The following ADGRL4 variants were observed in gnomAD, a reference collection of about 807,000 sequenced individuals.
The protein encoded by ADGRL4 is adhesion G protein-coupled receptor L4.
A neutral mutation model predicts 74.8 loss-of-function variants in ADGRL4; 90 were observed. The observed-to-expected ratio is 1.20, with a 90% confidence interval of 1.02 to 1.43. The LOEUF (loss-of-function observed/expected upper bound fraction) is 1.43, where lower values mean the gene tolerates loss of function less well. ADGRL4 is among the 40% of genes most tolerant of loss of function. The pLI is 0.00. For synonymous variants in ADGRL4, 311 were observed against 279.2 expected, an observed-to-expected ratio of 1.11 and a Z score of -1.14; for missense variants, 881 against 814.3, an observed-to-expected ratio of 1.08 and a Z score of -1.00.
At chr1:78,914,233 G>A (rs527738237) in intron 12 of ADGRL4, among the ~76,000 whole-genome samples, 1 of 151,960 alleles carries the variant, frequency 6.6e-6, no homozygotes, top group African/African-American at 2.4e-5. Flanking sequence ...ACTTTTGAAT[G>A]TCTATGATAT....
chr1:78,940,528 T>C (rs1242665293), intron 3 of ADGRL4, among the ~76,000 whole-genome samples: 4 of 152,110 alleles, frequency 2.6e-5, no homozygotes, highest in Non-Finnish European at 4.4e-5. Context: ...ACATTATAAG[T>C]ACAGTATAAA....
At chr1:78,909,313 G>A (rs1648708241) in intron 12 of ADGRL4, among the ~76,000 whole-genome samples, 1 of 151,896 alleles carries the variant, frequency 6.6e-6, no homozygotes, top group Non-Finnish European at 1.5e-5. Flanking sequence ...TATTTATAGA[G>A]GACTGCAAAA....
At chr1:78,939,128 A>G (rs1257825517) in intron 4 of ADGRL4, 60 bp downstream of exon 4, 4 of 1,470,294 alleles carry the variant, frequency 2.7e-6, no homozygotes, top group Admixed American at 2.6e-5. Context: ...GTGACATTGA[A>G]AGCATTTTAA....
chr1:78,938,095 C>T lies in ADGRL4; in HGVS notation c.576+5G>A, dbSNP rs370290739. On this transcript the variant is annotated splice_donor_5th_base_variant and intron_variant, in intron 5 of 14. Coordinates refer to ENST00000370742, the MANE Select transcript of ADGRL4 (RefSeq NM_022159.4). ...TTATATTGAGTTAAAGCTGAACATA[C>T]TTACAGTAAGAGTTGAGTTAGAAAG... is the stretch of plus-strand genomic sequence containing the variant. 31 of 1,611,984 alleles carry T rather than the reference C, an allele frequency of 1.9e-5. No individual in the cohort carries two copies. Among genetic ancestry groups the T allele is most frequent in the Non-Finnish European group, 2.6e-5 (31 of 1,179,366 alleles).
At chr1:78,928,609 T>C (rs1159929854) in intron 7 of ADGRL4, among the ~76,000 whole-genome samples, 9 of 151,426 alleles carry the variant, frequency 5.9e-5, no homozygotes, top group Non-Finnish European at 4.4e-5. Context: ...TTACCATATG[T>C]TTGCCAGGAA....
At chr1:78,942,785 G>T (rs1045695114) in intron 3 of ADGRL4, among the ~76,000 whole-genome samples, 1 of 151,982 alleles carries the variant, frequency 6.6e-6, no homozygotes, top group South Asian at 2.1e-4. Context: ...TTAAAAATTA[G>T]TCAGACAAGG....
intron 3 of ADGRL4, 66 bp from the exon 4 acceptor site, chr1:78,939,324 C>A: frequency 4.5e-6 from 6 of 1,323,760 alleles, no homozygotes; most frequent in Non-Finnish European, 6.0e-6. Flanking sequence ...CTGATCATAT[C>A]AATCCCAATG....
At chr1:78,935,846 G>C (rs564947552) in intron 7 of ADGRL4, among the ~76,000 whole-genome samples, 1 of 23,006 alleles carries the variant, frequency 4.3e-5, no homozygotes, top group African/African-American at 1.1e-4. Flanking sequence ...ATTCTGGGCC[G>C]GGCGCGGTGG....
chr1:78,984,908 T>C (rs1428192444), intron 2 of ADGRL4, among the ~76,000 whole-genome samples: 2 of 151,498 alleles, frequency 1.3e-5, no homozygotes, highest in African/African-American at 4.8e-5. Flanking sequence ...AACATGCAGA[T>C]AAAAAGGAAA....
In ADGRL4 at chr1:78,961,883, CT is replaced by C. The variant is rs775816289; in HGVS notation, c.173-15458del. On this transcript the variant is annotated intron_variant, in intron 2 of 14. Transcript: ENST00000370742. Reference sequence around the variant, plus strand: ...ATGGGCAGGATTCCAGGCTATAATTCTTTTTTTTTTTTTTTGGATGGAGTTT... The same window carrying C: ...ATGGGCAGGATTCCAGGCTATAATTCTTTTTTTTTTTTTTGGATGGAGTTT... Among the ~76,000 whole-genome samples, 937 of 138,290 alleles carry C rather than the reference CT, an allele frequency of 6.8e-3. 1 individual carries two copies. Among genetic ancestry groups the C allele is most frequent in the East Asian group, 0.018 (87 of 4,758 alleles). 90.7% of individuals were successfully genotyped at this position (138,290 alleles called of 152,430 possible).
rs181992514 is a variant in ADGRL4 at position 78,960,162 on chromosome 1, C to T, written c.173-13736G>A. Reference sequence around the variant, plus strand: ...TTTAAGAAAAATGCTTACATAAAAGCATATCATTGTATTAAGTATTTTACA... The same window carrying T: ...TTTAAGAAAAATGCTTACATAAAAGTATATCATTGTATTAAGTATTTTACA... On this transcript the variant is annotated intron_variant, in intron 2 of 14. Transcript: ENST00000370742. Among the ~76,000 whole-genome samples the T allele has an allele frequency of 2.0e-5, 3 of 152,104 alleles. No individual in the cohort carries two copies. In the East Asian group the frequency reaches 5.8e-4, roughly 29 times the overall value.
At chr1:78,988,100 T>C (rs1331486780) in intron 2 of ADGRL4, among the ~76,000 whole-genome samples, 1 of 151,964 alleles carries the variant, frequency 6.6e-6, no homozygotes, top group Non-Finnish European at 1.5e-5. Context: ...CAATTTAAGG[T>C]ATAACCTACT....
chr1:78,993,216 G>T (rs1363101891), intron 2 of ADGRL4, among the ~76,000 whole-genome samples: 3 of 151,922 alleles, frequency 2.0e-5, no homozygotes, highest in Non-Finnish European at 4.4e-5. Flanking sequence ...TAGAGAGAAG[G>T]AATACTTTAT....
chr1:78,930,912 G>C (rs1334891482), intron 7 of ADGRL4, among the ~76,000 whole-genome samples: 1 of 151,298 alleles, frequency 6.6e-6, no homozygotes, highest in African/African-American at 2.5e-5. Flanking sequence ...TACCAGAATT[G>C]AATCAACATT....
At chr1:78,971,555 G>A (rs969799687) in intron 2 of ADGRL4, among the ~76,000 whole-genome samples, 2 of 152,074 alleles carry the variant, frequency 1.3e-5, no homozygotes, top group African/African-American at 4.8e-5. Context: ...GCAGGACTCT[G>A]GTTTTGTAGA....
Position 78,890,529 on chromosome 1 carries a change from A to G in ADGRL4, c.*625T>C, listed in dbSNP as rs1648247694. On this transcript the variant is annotated 3_prime_UTR_variant, in exon 15 of 15. Transcript: ENST00000370742. The stretch of plus-strand genomic sequence containing the variant: ...TTTTTAGAATATTAGAAAAAGAAAC[A>G]GATTTAGCAAACAGAAGTCTAAGTT... The G allele has an allele frequency of 6.6e-6, 1 of 151,438 alleles. No homozygotes were observed. The allele number at this position is 151,438 out of a possible 1,614,324, so 9.4% of individuals were successfully genotyped here. A position where few individuals can be genotyped will look rare whatever the true frequency, so the allele number is the denominator to read the frequency against.
intron 3 of ADGRL4, among the ~76,000 whole-genome samples, chr1:78,943,380 T>C (rs1649531299): frequency 2.0e-5 from 3 of 152,218 alleles, no homozygotes; most frequent in Non-Finnish European, 4.4e-5. Context: ...GCTGGACTTC[T>C]GAAGTTCTGT....
At chr1:78,974,539 C>A (rs1650239515) in intron 2 of ADGRL4, among the ~76,000 whole-genome samples, 1 of 152,098 alleles carries the variant, frequency 6.6e-6, no homozygotes, top group South Asian at 2.1e-4. Context: ...TAATGAAATA[C>A]CACAAATTTT....
chr1:78,953,921 G>A (rs953058462), intron 2 of ADGRL4, among the ~76,000 whole-genome samples: 1 of 152,196 alleles, frequency 6.6e-6, no homozygotes, highest in African/African-American at 2.4e-5. Context: ...GGCCAAGAAA[G>A]GCAATCATCT....
Sources: allele counts gnomAD v4.1 joint callset (sites outside exome capture counted in the v4.1 genomes callset), GRCh38; gene constraint gnomAD v4.1.1; transcripts MANE v1.5; gene names NCBI Gene and HGNC (gene_info 2026-07-23, HGNC 2026-07-21).